The following FAM222B variants were observed in gnomAD, a reference collection of about 807,000 sequenced individuals.
FAM222B encodes protein FAM222B.
In FAM222B, 12 loss-of-function variants were observed where a neutral mutation model predicts 38.0. That is an observed-to-expected ratio of 0.32 (90% CI 0.20 to 0.51). The LOEUF is 0.51. Ranked by LOEUF, FAM222B falls within the 20% of genes least tolerant of loss-of-function variation. FAM222B has a pLI of 0.97. For missense variants in FAM222B, 716 were observed against 754.2 expected (o/e 0.95, Z 0.59); for synonymous variants, 329 against 317.2 (o/e 1.04, Z -0.40).
intron 2 of FAM222B, among the ~76,000 whole-genome samples, chr17:28,764,647 C>G (rs1256362573): frequency 6.6e-6 from 1 of 150,528 alleles, no homozygotes; most frequent in Non-Finnish European, 1.5e-5. Flanking sequence ...ACTCAAGAGG[C>G]TGAGGTAGAG....
At chr17:28,773,145 G>A (rs1353028166) in intron 1 of FAM222B, among the ~76,000 whole-genome samples, 1 of 152,044 alleles carries the variant, frequency 6.6e-6, no homozygotes, top group African/African-American at 2.4e-5. Flanking sequence ...GAACTGCTAA[G>A]ATTACAGTCC....
At chr17:28,840,386 G>T (rs2038996469) in intron 1 of FAM222B, among the ~76,000 whole-genome samples, 1 of 151,902 alleles carries the variant, frequency 6.6e-6, no homozygotes, top group South Asian at 2.1e-4. Context: ...AAAATAAAAA[G>T]AACCCATTTT....
At chr17:28,796,602 G>C (rs2036949113) in intron 1 of FAM222B, among the ~76,000 whole-genome samples, 1 of 152,038 alleles carries the variant, frequency 6.6e-6, no homozygotes, top group African/African-American at 2.4e-5. Context: ...AGAAGAGACA[G>C]TATGCAAAGA....
intron 2 of FAM222B, among the ~76,000 whole-genome samples, chr17:28,760,362 G>T (rs185450665): frequency 6.9e-4 from 105 of 152,154 alleles, no homozygotes; most frequent in African/African-American, 2.4e-3. Context: ...ATCATCTGAG[G>T]TCAGGAGTTC....
At chr17:28,822,655 G>C (rs1326857564) in intron 1 of FAM222B, among the ~76,000 whole-genome samples, 1 of 145,136 alleles carries the variant, frequency 6.9e-6, no homozygotes, top group Non-Finnish European at 1.5e-5. Context: ...TACAAAATTA[G>C]CCGGGCATGG....
chr17:28,818,933 A>G (rs564832126), intron 1 of FAM222B, among the ~76,000 whole-genome samples: 2 of 152,348 alleles, frequency 1.3e-5, no homozygotes, highest in Non-Finnish European at 2.9e-5. Flanking sequence ...GCCAAAGCCA[A>G]TGGCTTCTCC....
chr17:28,790,291 T>C (rs2036604045), intron 1 of FAM222B: 1 of 152,166 alleles, frequency 6.6e-6, no homozygotes, highest in South Asian at 2.1e-4. Flanking sequence ...GGAAAATGAG[T>C]AACTTTACTT....
At chr17:28,813,524 CT>C (rs36026990) in intron 1 of FAM222B, among the ~76,000 whole-genome samples, 28,507 of 147,686 alleles carry the variant, frequency 0.19, 2,818 homozygotes, top group South Asian at 0.3. Context: ...ACAGTTGTTT[CT>C]TTTTTTTTTG....
At position 28,762,640 on chromosome 17, in the gene FAM222B, A is replaced by C. The variant is rs2035138294; in HGVS notation, c.83-2764T>G. On this transcript the variant is annotated intron_variant, in intron 2 of 2. Coordinates refer to ENST00000581407, the MANE Select transcript of FAM222B (RefSeq NM_001077498.3). ...AGACTCCATCTCAAAAAAAAAAAAA[A>C]AAAAAAAAGTTTTCTCAGCTGGGCA... Among the ~76,000 whole-genome samples, 3 of 141,842 alleles carry C rather than the reference A, an allele frequency of 2.1e-5. No individual in the cohort carries two copies. The Admixed American group carries it at 2.2e-4, about 10-fold the overall frequency. 93.1% of individuals were successfully genotyped at this position (141,842 alleles called of 152,430 possible). A position where few individuals can be genotyped will look rare whatever the true frequency, so the allele number is the denominator to read the frequency against.
intron 1 of FAM222B, among the ~76,000 whole-genome samples, chr17:28,809,591 T>C (rs1443883664): frequency 2.6e-5 from 4 of 152,182 alleles, no homozygotes; most frequent in Non-Finnish European, 5.9e-5. Context: ...GTTCTATACA[T>C]AGTCTTCTGT....
intron 1 of FAM222B, among the ~76,000 whole-genome samples, chr17:28,769,282 C>A (rs1290182735): frequency 6.6e-6 from 1 of 151,286 alleles, no homozygotes; most frequent in Non-Finnish European, 1.5e-5. Flanking sequence ...GGGTTCACGC[C>A]ATTCTCCTGC....
At chr17:28,795,392 G>A (rs920552084) in intron 1 of FAM222B, among the ~76,000 whole-genome samples, 5 of 152,136 alleles carry the variant, frequency 3.3e-5, no homozygotes, top group Non-Finnish European at 7.4e-5. Context: ...TGATCCTCCT[G>A]CTTCGGCCTC....
chr17:28,822,844 T>A (rs1480208413), intron 1 of FAM222B, among the ~76,000 whole-genome samples: 19 of 93,676 alleles, frequency 2.0e-4, no homozygotes, highest in African/African-American at 7.1e-4. Flanking sequence ...TATATATATA[T>A]ATATATATAT....
At chr17:28,770,197 GTTCA>G (rs1290084282) in intron 1 of FAM222B, among the ~76,000 whole-genome samples, 3 of 152,080 alleles carry the variant, frequency 2.0e-5, no homozygotes, top group Admixed American at 6.5e-5. Context: ...GGTTCGTTTT[GTTCA>G]TTATTATATC....
Position 28,758,787 on chromosome 17 carries a change from T to C in FAM222B, c.1172A>G (p.Lys391Arg), listed in dbSNP as rs1315912727. 1.9e-6 allele frequency: 3 copies of C among 1,577,024 alleles called. No individual in the cohort carries two copies. The highest frequency in any genetic ancestry group is 2.3e-5 in the South Asian group (2 of 87,000). Reference protein sequence around the residue: ...SGTPAPGLTGKHAAGRELAGP... With the variant: ...SGTPAPGLTGRHAAGRELAGP... ...TGCCAACTCGCGTCCTGCCGCATGC[T>C]TGCCTGTCAGGCCAGGGGCTGGCGT... The change falls in exon 3 of 3, where the codon AAG becomes AGG. Residue 391 changes from lysine (K) to arginine (R), a missense_variant. Coordinates refer to ENST00000581407, the MANE Select transcript of FAM222B (RefSeq NM_001077498.3).
chr17:28,809,670 T>C (rs1453972692), intron 1 of FAM222B, among the ~76,000 whole-genome samples: 2 of 151,930 alleles, frequency 1.3e-5, no homozygotes, highest in Non-Finnish European at 2.9e-5. Context: ...CACAAATCAG[T>C]CAAAAAAATA....
intron 1 of FAM222B, among the ~76,000 whole-genome samples, chr17:28,798,863 C>T (rs536663571): frequency 2.4e-4 from 36 of 152,136 alleles, no homozygotes; most frequent in South Asian, 1.0e-3. Flanking sequence ...GTGATCCACC[C>T]GCCTCGGCCT....
chr17:28,785,528 T>G (rs190200903), intron 1 of FAM222B, among the ~76,000 whole-genome samples: 93 of 152,188 alleles, frequency 6.1e-4, no homozygotes, highest in South Asian at 3.1e-3. Flanking sequence ...ATGATGATGA[T>G]GAGGATGAGG....
At chr17:28,764,661 C>T (rs552038841) in intron 2 of FAM222B, among the ~76,000 whole-genome samples, 11 of 151,918 alleles carry the variant, frequency 7.2e-5, no homozygotes, top group East Asian at 1.9e-4. Flanking sequence ...GGTAGAGAAT[C>T]GCTTGAACCC....
Sources: gnomAD v4.1 joint callset for allele counts (sites outside exome capture counted in the v4.1 genomes callset) on GRCh38, gnomAD v4.1.1 for gene constraint, MANE v1.5 for transcripts, NCBI Gene and HGNC (gene_info 2026-07-23, HGNC 2026-07-21) for gene names.